PIK3CB: variants seen among roughly 807,000 people sequenced by gnomAD.
PIK3CB encodes phosphatidylinositol-4,5-bisphosphate 3-kinase catalytic subunit beta.
In PIK3CB, 39 loss-of-function variants were observed where a neutral mutation model predicts 136.8. That is an observed-to-expected ratio of 0.29 (90% CI 0.22 to 0.37). PIK3CB has a LOEUF of 0.37. Among genes scored for constraint, PIK3CB ranks in the 10% least tolerant of loss-of-function variants. The probability of loss-of-function intolerance (pLI) is 1.00; values close to 1 mark genes in which losing one functional copy is unlikely to be tolerated. For missense variants in PIK3CB, 868 were observed against 1,275.4 expected, an observed-to-expected ratio of 0.68 and a Z score of 4.87; for synonymous variants, 428 against 436.6, an observed-to-expected ratio of 0.98 and a Z score of 0.25.
At chr3:138,758,547 T>C (rs111307424) in intron 3 of PIK3CB, among the ~76,000 whole-genome samples, 30 of 152,372 alleles carry the variant, frequency 2.0e-4, no homozygotes, top group African/African-American at 6.7e-4. Context: ...TTAAGGATCA[T>C]GCCATTTTAG....
chr3:138,683,601 A>G lies in PIK3CB; in HGVS notation c.2425+77T>C, dbSNP rs2043824860. On this transcript the variant is annotated intron_variant, in intron 18 of 23. Coordinates refer to ENST00000674063, the MANE Select transcript of PIK3CB (RefSeq NM_006219.3). Reference sequence around the variant, plus strand: ...AAATTGTTACACACTTACACTACACATCACCTTTCAGATAAAGCAAAATGG... The same window carrying G: ...AAATTGTTACACACTTACACTACACGTCACCTTTCAGATAAAGCAAAATGG... 4 of 807,350 alleles carry G rather than the reference A, an allele frequency of 5.0e-6. No homozygotes were observed. In the African/African-American group the frequency reaches 5.0e-5, roughly 10 times the overall value. The allele number at this position is 807,350 out of a possible 1,614,324, so 50.0% of individuals were successfully genotyped here.
intron 1 of PIK3CB, among the ~76,000 whole-genome samples, chr3:138,810,275 A>G (rs1461080147): frequency 1.3e-5 from 2 of 152,004 alleles, no homozygotes; most frequent in Non-Finnish European, 2.9e-5. Flanking sequence ...ACCCCCATCA[A>G]GGAAAGGAAC....
At chr3:138,677,020 A>G (rs1159750414) in intron 19 of PIK3CB, among the ~76,000 whole-genome samples, 2 of 152,176 alleles carry the variant, frequency 1.3e-5, no homozygotes, top group Non-Finnish European at 2.9e-5. Context: ...CAATAATAGT[A>G]AACAAAAACT....
intron 12 of PIK3CB, among the ~76,000 whole-genome samples, chr3:138,701,387 T>C (rs1197730187): frequency 6.6e-6 from 1 of 152,080 alleles, no homozygotes; most frequent in Non-Finnish European, 1.5e-5. Flanking sequence ...ATCTGTAGAT[T>C]ATATAGAACT....
intron 2 of PIK3CB, among the ~76,000 whole-genome samples, chr3:138,790,552 C>A (rs2046036332): frequency 6.6e-6 from 1 of 150,564 alleles, no homozygotes; most frequent in Non-Finnish European, 1.5e-5. Context: ...TGCCTGGAAG[C>A]CCAGCATTTT....
At chr3:138,664,094 C>T in intron 20 of PIK3CB, 65 bp from the exon 21 acceptor site, 4 of 1,546,340 alleles carry the variant, frequency 2.6e-6, no homozygotes, top group Non-Finnish European at 3.5e-6. Flanking sequence ...GAGTGAGACC[C>T]AAACCATACC....
intron 1 of PIK3CB, among the ~76,000 whole-genome samples, chr3:138,812,440 T>C (rs1318241592): frequency 6.6e-6 from 1 of 151,620 alleles, no homozygotes; most frequent in Non-Finnish European, 1.5e-5. Context: ...TTTCACCACA[T>C]TGGTCAAACT....
In PIK3CB at chr3:138,817,639, CA is replaced by C. The variant is rs141020263; in HGVS notation, c.-122+17055del. Among the ~76,000 whole-genome samples, 1,345 of 152,282 alleles carry C rather than the reference CA, an allele frequency of 8.8e-3. 19 individuals carry two copies. The highest frequency in any genetic ancestry group is 0.029 in the African/African-American group (1,219 of 41,562). On this transcript the variant is annotated intron_variant, in intron 1 of 23. Transcript: ENST00000674063. ...ACCAGGTAAAGAGTCAATGCAGCAACATAAAATGTAGATGCTAGTAGGCTGA... is the reference window on the plus strand; with the variant it reads ...ACCAGGTAAAGAGTCAATGCAGCAACTAAAATGTAGATGCTAGTAGGCTGA...
At chr3:138,686,151 A>C (rs2043888412) in intron 16 of PIK3CB, among the ~76,000 whole-genome samples, 1 of 151,604 alleles carries the variant, frequency 6.6e-6, no homozygotes, top group African/African-American at 2.4e-5. Flanking sequence ...AAAATAAATA[A>C]ATCAGGGTCA....
chr3:138,710,739 G>A (rs571404814), intron 10 of PIK3CB, among the ~76,000 whole-genome samples: 5 of 152,276 alleles, frequency 3.3e-5, no homozygotes, highest in East Asian at 3.9e-4. Context: ...AAATAAAAGC[G>A]TGTGGAAGGT....
At chr3:138,715,405 T>C (rs2044587090) in intron 8 of PIK3CB, among the ~76,000 whole-genome samples, 1 of 152,172 alleles carries the variant, frequency 6.6e-6, no homozygotes, top group Admixed American at 6.5e-5. Context: ...CTAAAAACAG[T>C]AGTAAAACAC....
At chr3:138,660,258 A>G (rs945795735) in intron 21 of PIK3CB, among the ~76,000 whole-genome samples, 1 of 152,232 alleles carries the variant, frequency 6.6e-6, no homozygotes, top group African/African-American at 2.4e-5. Context: ...TAAAGCACTT[A>G]CAACTATGCC....
chr3:138,814,774 G>A (rs966468242), intron 1 of PIK3CB, among the ~76,000 whole-genome samples: 1 of 151,954 alleles, frequency 6.6e-6, no homozygotes, highest in Non-Finnish European at 1.5e-5. Context: ...GGCCAAGGTG[G>A]GCAGATCACT....
At chr3:138,811,904 T>G (rs1159236052) in intron 1 of PIK3CB, among the ~76,000 whole-genome samples, 1 of 151,990 alleles carries the variant, frequency 6.6e-6, no homozygotes, top group East Asian at 1.9e-4. Context: ...GCCTGGGAAC[T>G]GTGGCAAAAC....
chr3:138,782,016 C>A (rs1226020948), intron 2 of PIK3CB, among the ~76,000 whole-genome samples: 9 of 152,176 alleles, frequency 5.9e-5, no homozygotes, highest in Admixed American at 5.9e-4. Context: ...CTAACACAGA[C>A]CAAATTTATG....
intron 1 of PIK3CB, among the ~76,000 whole-genome samples, chr3:138,829,508 C>G (rs1297090707): frequency 1.3e-5 from 2 of 151,978 alleles, no homozygotes; most frequent in Non-Finnish European, 2.9e-5. Context: ...AGAGTGTGCT[C>G]AAGGATTGGC....
chr3:138,712,955 T>C (rs1216152467), intron 9 of PIK3CB, among the ~76,000 whole-genome samples: 1 of 152,142 alleles, frequency 6.6e-6, no homozygotes, highest in Non-Finnish European at 1.5e-5. Context: ...AATCTCAATA[T>C]GGAAGGAGAT....
rs375880090 is a variant in PIK3CB at position 138,707,300 on chromosome 3, C to A, written c.1400-11G>T. 3.2e-6 allele frequency: 5 copies of A among 1,584,608 alleles called. No individual in the cohort carries two copies. The highest frequency in any genetic ancestry group is 4.3e-6 in the Non-Finnish European group (5 of 1,170,180). ...TTTCTTCGAGTTCATCTAAAACATGCAAATAATTTTGGTTCTTAAAAAATG... is the reference window on the plus strand; with the variant it reads ...TTTCTTCGAGTTCATCTAAAACATGAAAATAATTTTGGTTCTTAAAAAATG... On this transcript the variant is annotated splice_polypyrimidine_tract_variant and intron_variant, in intron 10 of 23. Transcript: ENST00000674063.
intron 2 of PIK3CB, among the ~76,000 whole-genome samples, chr3:138,779,714 A>G (rs2045902930): frequency 6.7e-6 from 1 of 149,532 alleles, no homozygotes; most frequent in African/African-American, 2.5e-5. Flanking sequence ...TTTTTTTAAT[A>G]GAGACAGTGT....
Sources: allele counts gnomAD v4.1 joint callset (sites outside exome capture counted in the v4.1 genomes callset), GRCh38; gene constraint gnomAD v4.1.1; transcripts MANE v1.5; gene names NCBI Gene and HGNC (gene_info 2026-07-23, HGNC 2026-07-21).